USH2A: variants seen among roughly 807,000 people sequenced by gnomAD.
USH2A encodes Usher syndrome 2A (autosomal recessive, mild).
A neutral mutation model predicts 538.9 loss-of-function variants in USH2A; 443 were observed. The ratio of observed to expected loss-of-function variants is 0.82; its 90% CI spans 0.76 to 0.89. USH2A has a LOEUF of 0.89. USH2A is among the 40% of genes least tolerant of loss of function. The pLI is 0.00. For missense variants in USH2A, 6,633 were observed against 6,324.8 expected, an observed-to-expected ratio of 1.05 and a Z score of -1.65; for synonymous variants, 2,413 against 2,273.5, an observed-to-expected ratio of 1.06 and a Z score of -1.75.
intron 3 of USH2A, among the ~76,000 whole-genome samples, chr1:216,372,501 T>C (rs558827662): frequency 1.3e-5 from 2 of 152,288 alleles, no homozygotes; most frequent in South Asian, 4.1e-4. Flanking sequence ...GCTCTTCATA[T>C]ACTGCAACCT....
At chr1:215,800,710 A>G (rs1436159878) in intron 49 of USH2A, among the ~76,000 whole-genome samples, 1 of 152,210 alleles carries the variant, frequency 6.6e-6, no homozygotes, top group African/African-American at 2.4e-5. Flanking sequence ...ATAATAAGAC[A>G]ATAACTCTCA....
intron 11 of USH2A, among the ~76,000 whole-genome samples, chr1:216,254,685 T>C (rs1220822508): frequency 6.6e-6 from 1 of 152,122 alleles, no homozygotes. Context: ...TAATTGCTCC[T>C]ACTGTCCCAG....
At chr1:216,173,557 G>A (rs2034312964) in intron 21 of USH2A, among the ~76,000 whole-genome samples, 1 of 152,152 alleles carries the variant, frequency 6.6e-6, no homozygotes, top group Admixed American at 6.6e-5. Context: ...GCTTAGTGAG[G>A]CCAGTGTTTA....
chr1:216,370,092 C>T (rs557978079), intron 3 of USH2A, among the ~76,000 whole-genome samples: 12 of 152,164 alleles, frequency 7.9e-5, no homozygotes, highest in African/African-American at 1.7e-4. Flanking sequence ...GGCACAATGG[C>T]GCGTGCCTGT....
rs374655377 is a variant in USH2A, at chr1:215,674,749, T to C, written c.13162A>G (p.Lys4388Glu). 20 of 1,614,126 alleles carry C rather than the reference T, an allele frequency of 1.2e-5. No homozygotes were observed. Among genetic ancestry groups the C allele is most frequent in the Non-Finnish European group, 1.6e-5 (19 of 1,180,038 alleles). The change falls in exon 63 of 72, where the codon AAA (lysine) becomes GAA (glutamate). Residue 4388 changes from lysine (K) to glutamate (E), a missense_variant. Lys to Glu is a moderately conservative substitution (Grantham distance 56, BLOSUM62 1). Transcript: ENST00000307340. Reference sequence around the variant, plus strand: ...TTATTATCATATCTAACTAAATATTTAGTAATCTTTCCATTTTGCACTGTG... The same window carrying C: ...TTATTATCATATCTAACTAAATATTCAGTAATCTTTCCATTTTGCACTGTG... ...PPTVQNGKITKYLVRYDNKES... is the reference protein window; with the variant it reads ...PPTVQNGKITEYLVRYDNKES...
intron 40 of USH2A, among the ~76,000 whole-genome samples, chr1:215,895,454 T>C (rs568021987): frequency 6.6e-6 from 1 of 152,244 alleles, no homozygotes; most frequent in East Asian, 1.9e-4. Context: ...GCTTGATGAA[T>C]GTGTAGAATT....
chr1:216,216,444 C>T (rs1335504758), intron 15 of USH2A, among the ~76,000 whole-genome samples: 1 of 152,050 alleles, frequency 6.6e-6, no homozygotes, highest in Non-Finnish European at 1.5e-5. Flanking sequence ...TCCCTCCCCC[C>T]TTAAATGTAG....
chr1:216,255,466 T>C (rs1410759106), intron 11 of USH2A, among the ~76,000 whole-genome samples: 1 of 152,250 alleles, frequency 6.6e-6, no homozygotes, highest in Non-Finnish European at 1.5e-5. Context: ...TTAATTCCTC[T>C]TTGGGTTTCC....
At chr1:215,874,788 CGTTAA>C (rs1412376029) in intron 43 of USH2A, among the ~76,000 whole-genome samples, 16 of 152,092 alleles carry the variant, frequency 1.1e-4, no homozygotes, top group Middle Eastern at 3.4e-3. Context: ...TTTATGCAGA[CGTTAA>C]GTTAAGAAGG....
intron 21 of USH2A, among the ~76,000 whole-genome samples, chr1:216,098,918 G>A (rs2032511978): frequency 6.6e-6 from 1 of 152,172 alleles, no homozygotes; most frequent in Non-Finnish European, 1.5e-5. Context: ...AAAGTTTGAG[G>A]AAGGCTGGTT....
intron 3 of USH2A, among the ~76,000 whole-genome samples, chr1:216,404,999 C>CT (rs2039369786): frequency 6.6e-6 from 1 of 151,348 alleles, no homozygotes; most frequent in Non-Finnish European, 1.5e-5. Flanking sequence ...CTCAGCCTCC[C>CT]CCATAGGTGG....
At chr1:216,335,836 T>C (rs112675899) in intron 4 of USH2A, among the ~76,000 whole-genome samples, 1,926 of 151,680 alleles carry the variant, frequency 0.013, 46 homozygotes, top group African/African-American at 0.045. Flanking sequence ...TGGCGAATTC[T>C]ACCAAACATT....
intron 61 of USH2A, among the ~76,000 whole-genome samples, chr1:215,686,427 T>C (rs2820687): frequency 5.3e-5 from 8 of 151,836 alleles, no homozygotes; most frequent in Non-Finnish European, 7.4e-5. Context: ...GAAGGAACAG[T>C]AGAAAGTTCT....
Position 215,675,322 on chromosome 1 carries a change from C to T in USH2A, c.12589G>A (p.Gly4197Arg), listed in dbSNP as rs745929525. 1.2e-6 allele frequency: 2 copies of T among 1,614,018 alleles called. No individual in the cohort carries two copies. Among genetic ancestry groups the T allele is most frequent in the Non-Finnish European group, 1.7e-6 (2 of 1,180,020 alleles). ...RYEVIRRCFE[G>R]KAWGNQTIQA... ...ATTGTCTGATTTCCCCAAGCTTTTC[C>T]CTCGAAGCATCTGCGAATCACTTCA... Residue 4197 changes from glycine (G) to arginine (R), a missense_variant, in exon 63 of 72, where the codon GGA becomes AGA. Physicochemically the swap from Gly to Arg is moderately radical, Grantham distance 125. Coordinates refer to ENST00000307340, the MANE Select transcript of USH2A (RefSeq NM_206933.4).
chr1:215,925,587 A>G (rs906216564), intron 38 of USH2A, among the ~76,000 whole-genome samples: 3 of 152,150 alleles, frequency 2.0e-5, no homozygotes, highest in Non-Finnish European at 4.4e-5. Context: ...ACCATCCTGT[A>G]TCTTCATTGT....
chr1:216,160,242 T>C (rs1042692319), intron 21 of USH2A, among the ~76,000 whole-genome samples: 1 of 152,120 alleles, frequency 6.6e-6, no homozygotes, highest in Admixed American at 6.6e-5. Flanking sequence ...AGCTAATTGA[T>C]TGTTAACTAT....
rs542418156 is a variant in USH2A at position 216,412,923 on chromosome 1, A to G, written c.651+5591T>C. On this transcript the variant is annotated intron_variant, in intron 3 of 71. Coordinates refer to ENST00000307340, the MANE Select transcript of USH2A (RefSeq NM_206933.4). ...GGCACAGAGCTATTATTAACACTATATTAAACATGTTACAAGCATGTCACT... is the reference window on the plus strand; with the variant it reads ...GGCACAGAGCTATTATTAACACTATGTTAAACATGTTACAAGCATGTCACT... 2.6e-5 allele frequency among the ~76,000 whole-genome samples: 4 copies of G among 152,224 alleles called. 1 individual carries two copies. In the South Asian group the frequency reaches 6.2e-4, roughly 24 times the overall value.
intron 11 of USH2A, among the ~76,000 whole-genome samples, chr1:216,272,846 C>A (rs1558356567): frequency 6.6e-6 from 1 of 152,024 alleles, no homozygotes; most frequent in Non-Finnish European, 1.5e-5. Context: ...AACAAACGAG[C>A]TTGAGCTTTC....
chr1:215,804,070 T>C (rs1571702787), intron 49 of USH2A, among the ~76,000 whole-genome samples: 1 of 152,182 alleles, frequency 6.6e-6, no homozygotes, highest in Non-Finnish European at 1.5e-5. Flanking sequence ...CTGGGAAAAC[T>C]GGCTAGCCAT....
Sources: allele counts gnomAD v4.1 joint callset (sites outside exome capture counted in the v4.1 genomes callset), GRCh38; gene constraint gnomAD v4.1.1; transcripts MANE v1.5; gene names NCBI Gene and HGNC (gene_info 2026-07-23, HGNC 2026-07-21).